BCAP31: variants seen among roughly 807,000 people sequenced by gnomAD.
BCAP31 encodes the protein B-cell receptor-associated protein 31.
For synonymous variants in BCAP31, 75 were observed against 80.9 expected (o/e 0.93, Z 0.39); for missense variants, 124 against 193.0 (o/e 0.64, Z 2.12).
In BCAP31 at chrX:153,724,360, C is replaced by G. The variant is rs1557051868; in HGVS notation, c.-71G>C. ...GAGTTTCCCACAGTCAACGTGCAGG[C>G]CCCGCCGCAGCAACAGAACTCTCCC... On this transcript the variant is annotated 5_prime_UTR_variant, in exon 1 of 8. Coordinates refer to ENST00000345046, the MANE Select transcript of BCAP31 (RefSeq NM_001256447.2). The G allele has an allele frequency of 2.2e-5, 3 of 135,123 alleles. No individual in the cohort carries two copies. 11.1% of individuals were successfully genotyped at this position (135,123 alleles called of 1,213,427 possible). A position where few individuals can be genotyped will look rare whatever the true frequency, so the allele number is the denominator to read the frequency against.
At chrX:153,716,272 G>A (rs933939879) in intron 3 of BCAP31, among the ~76,000 whole-genome samples, 1 of 109,789 alleles carries the variant, frequency 9.1e-6, no homozygotes, top group African/African-American at 3.3e-5. Flanking sequence ...TGCAGTTCAC[G>A]ATGCTAACCA....
chrX:153,723,554 C>A, intron 1 of BCAP31: 1 of 1,168,243 alleles, frequency 8.6e-7, no homozygotes, highest in Non-Finnish European at 1.1e-6. Context: ...CGGCCTCTCC[C>A]GACGATCCCT....
chrX:153,721,435 C>CAAA (rs782544895), intron 2 of BCAP31, among the ~76,000 whole-genome samples: 1 of 32,579 alleles, frequency 3.1e-5, no homozygotes, highest in African/African-American at 1.1e-4. Flanking sequence ...GACCTTGTCT[C>CAAA]AAAAAAAAAA....
chrX:153,711,108 C>T (rs1243899373), intron 4 of BCAP31, among the ~76,000 whole-genome samples: 1 of 112,069 alleles, frequency 8.9e-6, no homozygotes, highest in East Asian at 2.8e-4. Context: ...CCAGCCCTCA[C>T]ACCTAGCACG....
rs2091537543 is a variant in BCAP31 at position 153,704,078 on chromosome X, C to T, written c.358G>A (p.Val120Met). ...LLLSFLLRRL[V>M]TLISQQATLL... ...GTGGCCTGCTGCGAAATGAGAGTCA[C>T]CAGGCGTCTAAGCAGGCTGCAATTA... Residue 120 changes from valine to methionine, a missense_variant, in exon 5 of 8, where the codon GTG (valine) becomes ATG (methionine). Coordinates refer to ENST00000345046, the MANE Select transcript of BCAP31 (RefSeq NM_001256447.2). The T allele has an allele frequency of 8.3e-7, 1 of 1,208,692 alleles. No homozygotes were observed. Among genetic ancestry groups the T allele is most frequent in the African/African-American group, 1.7e-5 (1 of 57,338 alleles).
intron 1 of BCAP31, chrX:153,723,666 G>C: frequency 8.6e-7 from 1 of 1,157,768 alleles, no homozygotes; most frequent in South Asian, 1.9e-5. Context: ...GGCACCCATC[G>C]GGCGCTCCCT....
At chrX:153,709,514 A>G (rs1296469110) in intron 4 of BCAP31, among the ~76,000 whole-genome samples, 2 of 112,143 alleles carry the variant, frequency 1.8e-5, no homozygotes, top group Non-Finnish European at 3.8e-5. Flanking sequence ...GCCGTCCCCA[A>G]CACACTCCAA....
chrX:153,710,163 G>A (rs1466227404), intron 4 of BCAP31, among the ~76,000 whole-genome samples: 2 of 112,119 alleles, frequency 1.8e-5, no homozygotes, highest in Non-Finnish European at 3.8e-5. Context: ...ATGACAGGGG[G>A]AGGCCGAAGC....
At chrX:153,701,795 AG>A (rs1208774612) in intron 7 of BCAP31, among the ~76,000 whole-genome samples, 1 of 113,066 alleles carries the variant, frequency 8.8e-6, no homozygotes, top group East Asian at 2.8e-4. Flanking sequence ...GCCACTCCTG[AG>A]GGCCGCCTTG....
In BCAP31 at chrX:153,702,936, T is replaced by C; in HGVS notation, c.600A>G (p.Gln200=). 1 of 1,209,820 alleles carries C rather than the reference T, an allele frequency of 8.3e-7. No individual in the cohort carries two copies. Among genetic ancestry groups the C allele is most frequent in the Non-Finnish European group, 1.1e-6 (1 of 895,216 alleles). The change falls in exon 6 of 8, where the codon CAA becomes CAG. Residue 200 remains glutamine, a splice_region_variant and synonymous_variant. Transcript: ENST00000345046. ...GAAGGACACGAGGTCGAGCCTCACTTTGCTTAGTGCTGGCCAGCTCGTCCT... is the reference window on the plus strand; with the variant it reads ...GAAGGACACGAGGTCGAGCCTCACTCTGCTTAGTGCTGGCCAGCTCGTCCT... ...KLKDELASTK[Q]KLEKAENQVL... is the part of the protein sequence containing the mutation.
chrX:153,717,307 C>T (rs183147329), intron 3 of BCAP31, among the ~76,000 whole-genome samples: 2 of 112,533 alleles, frequency 1.8e-5, no homozygotes, highest in East Asian at 2.8e-4. Flanking sequence ...AATTGAGCCA[C>T]GCCAAACCTA....
Position 153,703,974 on chromosome X carries a change from A to G in BCAP31, c.462T>C (p.Asn154=). The change falls in exon 5 of 8, where the codon AAT becomes AAC. Residue 154 remains asparagine, a synonymous_variant. Transcript: ENST00000345046. ...SEAAKKYMEE[N]DQLKKGAAVD... ...CTGGGCTCACCTTCTTGAGCTGGTC[A>G]TTCTCCTCCATGTACTTCTTGGCCG... is the stretch of plus-strand genomic sequence containing the variant. The G allele has an allele frequency of 1.7e-6, 2 of 1,211,107 alleles. No individual in the cohort carries two copies. The highest frequency in any genetic ancestry group is 2.2e-6 in the Non-Finnish European group (2 of 895,104).
intron 4 of BCAP31, among the ~76,000 whole-genome samples, chrX:153,713,829 T>C (rs782213524): frequency 1.3e-4 from 14 of 108,602 alleles, no homozygotes; most frequent in African/African-American, 4.7e-4. Context: ...CACTTCTCCA[T>C]GTCTTTCATG....
intron 5 of BCAP31, among the ~76,000 whole-genome samples, chrX:153,703,407 C>T (rs1377356860): frequency 8.8e-6 from 1 of 113,188 alleles, no homozygotes; most frequent in Non-Finnish European, 1.9e-5. Flanking sequence ...ATGGCGGTGC[C>T]TCGTGCTCCC....
chrX:153,716,154 G>A (rs1347507267), intron 3 of BCAP31, among the ~76,000 whole-genome samples: 2 of 93,559 alleles, frequency 2.1e-5, no homozygotes, highest in East Asian at 3.5e-4. Flanking sequence ...GGACAAGAGC[G>A]AAACTCCATC....
At chrX:153,723,588 G>A in intron 1 of BCAP31, 2 of 1,168,126 alleles carry the variant, frequency 1.7e-6, no homozygotes, top group Non-Finnish European at 2.3e-6. Flanking sequence ...CGAGATTTCC[G>A]ACGCCCGTTT....
chrX:153,714,428 A>C (rs1557049708), intron 4 of BCAP31, among the ~76,000 whole-genome samples: 1 of 111,057 alleles, frequency 9.0e-6, no homozygotes, highest in African/African-American at 3.3e-5. Flanking sequence ...TGACTTTCCT[A>C]AGTTTGAAGA....
chrX:153,703,729 A>C (rs1569539931), intron 5 of BCAP31, among the ~76,000 whole-genome samples: 2 of 112,217 alleles, frequency 1.8e-5, no homozygotes, highest in Admixed American at 1.9e-4. Context: ...CAGTGGATGG[A>C]AACGAGAGCA....
In BCAP31 at chrX:153,713,881, C is replaced by CTTTT. The variant is rs1209475410; in HGVS notation, c.341+1657_341+1660dup. Among the ~76,000 whole-genome samples, 124 of 63,490 alleles carry CTTTT rather than the reference C, an allele frequency of 2.0e-3. 2 individuals are homozygous for CTTTT. The highest frequency in any genetic ancestry group is 6.9e-3 in the African/African-American group (93 of 13,424). The allele number at this position is 63,490 out of a possible 115,157, so 55.1% of individuals were successfully genotyped here. On this transcript the variant is annotated intron_variant, in intron 4 of 7. Transcript: ENST00000345046. Reference sequence around the variant, plus strand: ...AGGTTTTCACCTTCCCGATACTATTCTTTTTTTTTTTTTTTTTTTTTTTTG... The same window carrying CTTTT: ...AGGTTTTCACCTTCCCGATACTATTCTTTTTTTTTTTTTTTTTTTTTTTTTTTTG...
Sources: gnomAD v4.1 joint callset for allele counts (sites outside exome capture counted in the v4.1 genomes callset) on GRCh38, gnomAD v4.1.1 for gene constraint, MANE v1.5 for transcripts, NCBI Gene and HGNC (gene_info 2026-07-23, HGNC 2026-07-21) for gene names.